The following GARS1 variants were observed in gnomAD, a reference collection of about 807,000 sequenced individuals.
GARS1 encodes glycyl-tRNA synthetase 1.
GARS1 carries 46 observed loss-of-function variants against 86.4 expected under a neutral mutation model. The ratio of observed to expected loss-of-function variants is 0.53; its 90% CI spans 0.42 to 0.68. GARS1 has a LOEUF of 0.68. GARS1 is among the 30% of genes least tolerant of loss of function. The pLI is 0.00. For synonymous variants in GARS1, 342 were observed against 329.8 expected, an observed-to-expected ratio of 1.04 and a Z score of -0.40; for missense variants, 797 against 915.6, an observed-to-expected ratio of 0.87 and a Z score of 1.67.
At chr7:30,622,574 C>A in intron 12 of GARS1, 112 bp downstream of exon 12, 1 of 1,249,402 alleles carries the variant, frequency 8.0e-7, no homozygotes, top group Non-Finnish European at 1.2e-6. Flanking sequence ...AGTACTGTAT[C>A]TTGGCTGCAT....
Position 30,595,120 on chromosome 7 carries a change from C to G in GARS1, c.199C>G (p.Leu67Val). 1 of 1,539,200 alleles carries G rather than the reference C, an allele frequency of 6.5e-7. No individual in the cohort carries two copies. The highest frequency in any genetic ancestry group is 8.7e-7 in the Non-Finnish European group (1 of 1,147,996). ...GAGAEEVLAP[L>V]RLAVRQQGDL... ...GGGGGCTGAGGAGGTGCTGGCACCT[C>G]TGAGGCTAGCAGTGCGCCAGCAGGT... The change falls in exon 1 of 17, where the codon CTG becomes GTG. Residue 67 changes from leucine to valine, a missense_variant. This residue lies in a region of GARS1 where 199 missense variants were observed against 176.9 expected (regional missense o/e 1.12). Transcript: ENST00000389266.
At chr7:30,603,181 C>T in intron 5 of GARS1, 59 bp downstream of exon 5, 1 of 1,385,750 alleles carries the variant, frequency 7.2e-7, no homozygotes, top group Non-Finnish European at 1.0e-6. Context: ...TAAACTTTCT[C>T]TCAGATGTCT....
intron 10 of GARS1, among the ~76,000 whole-genome samples, chr7:30,620,654 G>A (rs1782985100): frequency 6.6e-6 from 1 of 152,164 alleles, no homozygotes; most frequent in Admixed American, 6.5e-5. Context: ...AAGGGAACCT[G>A]GCATCAATGT....
chr7:30,614,601 C>T (rs868673188), intron 8 of GARS1, among the ~76,000 whole-genome samples: 20 of 152,280 alleles, frequency 1.3e-4, no homozygotes, highest in African/African-American at 4.3e-4. Context: ...CTTGGCCGGG[C>T]GCAGTGGCTC....
chr7:30,595,265 A>T, intron 1 of GARS1, 122 bp downstream of exon 1: 1 of 971,472 alleles, frequency 1.0e-6, no homozygotes, highest in Non-Finnish European at 1.6e-6. Context: ...CTTTCCCTTC[A>T]TCCTCTGGCG....
intron 2 of GARS1, among the ~76,000 whole-genome samples, chr7:30,599,123 A>G (rs576410908): frequency 4.5e-4 from 69 of 152,322 alleles, no homozygotes; most frequent in African/African-American, 1.5e-3. Flanking sequence ...TGACCCTGCA[A>G]ATGCTGGACT....
intron 5 of GARS1, 84 bp from the exon 6 acceptor site, chr7:30,603,412 A>G: frequency 9.1e-7 from 1 of 1,103,794 alleles, no homozygotes; most frequent in Admixed American, 1.8e-5. Context: ...GCTTGGATTT[A>G]CTTTTTAATT....
intron 3 of GARS1, among the ~76,000 whole-genome samples, chr7:30,600,510 G>A (rs1355044635): frequency 1.3e-5 from 2 of 152,132 alleles, no homozygotes; most frequent in African/African-American, 4.8e-5. Flanking sequence ...CCATATGAAG[G>A]TATATAGGCA....
At chr7:30,604,324 T>G (rs1791440888) in intron 6 of GARS1, among the ~76,000 whole-genome samples, 1 of 152,180 alleles carries the variant, frequency 6.6e-6, no homozygotes, top group Non-Finnish European at 1.5e-5. Flanking sequence ...TCCAACACCA[T>G]GTTTAGTCAT....
At chr7:30,621,024 G>T (rs890991153) in intron 10 of GARS1, among the ~76,000 whole-genome samples, 4 of 150,408 alleles carry the variant, frequency 2.7e-5, no homozygotes, top group African/African-American at 9.8e-5. Context: ...ACTACTTTGT[G>T]TACAGTGTGA....
Position 30,633,896 on chromosome 7 carries a change from T to A in GARS1, c.*36T>A, listed in dbSNP as rs766304992. 8.5e-4 allele frequency: 1,118 copies of A among 1,316,516 alleles called. No individual in the cohort carries two copies. Among genetic ancestry groups the A allele is most frequent in the Admixed American group, 4.1e-3 (196 of 48,278 alleles). The allele number at this position is 1,316,516 out of a possible 1,614,324, so 81.6% of individuals were successfully genotyped here. On this transcript the variant is annotated 3_prime_UTR_variant, in exon 17 of 17. Coordinates refer to ENST00000389266, the MANE Select transcript of GARS1 (RefSeq NM_002047.4). ...GACAACTTTTGACCACTTGCGCTAA[T>A]AAAAAAAAAAAAAAACTACTCTTAT... is the stretch of plus-strand genomic sequence containing the variant.
chr7:30,614,032 T>C (rs1458638231), intron 8 of GARS1, among the ~76,000 whole-genome samples: 2 of 152,230 alleles, frequency 1.3e-5, no homozygotes, highest in East Asian at 1.9e-4. Flanking sequence ...TCAGGTACAG[T>C]TGCTGAACTG....
chr7:30,625,883 C>G (rs961197517), intron 12 of GARS1, among the ~76,000 whole-genome samples: 16 of 152,128 alleles, frequency 1.1e-4, no homozygotes, highest in Non-Finnish European at 1.2e-4. Flanking sequence ...TACCAGCAGG[C>G]CTATTTCTGA....
At chr7:30,611,709 C>G (rs1479677543) in intron 7 of GARS1, among the ~76,000 whole-genome samples, 2 of 152,202 alleles carry the variant, frequency 1.3e-5, no homozygotes, top group Non-Finnish European at 2.9e-5. Context: ...ATCTCGAACT[C>G]CCAACCTCAG....
chr7:30,597,708 A>G (rs1791283040), intron 1 of GARS1, among the ~76,000 whole-genome samples: 2 of 152,256 alleles, frequency 1.3e-5, no homozygotes, highest in South Asian at 4.1e-4. Flanking sequence ...TAATTTTTAA[A>G]ATAAAAGAAG....
intron 8 of GARS1, 147 bp downstream of exon 8, chr7:30,612,392 A>AG: frequency 5.9e-6 from 5 of 847,924 alleles, no homozygotes; most frequent in Non-Finnish European, 9.4e-6. Flanking sequence ...TTACATTTGG[A>AG]ATCTCTAAAT....
At position 30,594,879 on chromosome 7, in the gene GARS1, C is replaced by T. The variant is rs564177184; in HGVS notation, c.-43C>T. On this transcript the variant is annotated 5_prime_UTR_variant, in exon 1 of 17. Transcript: ENST00000389266. Reference sequence around the variant, plus strand: ...GCTCCGAGCCGGGCGGCGCGCGCCGCTTCCGTCGCCACCCTCTCTGGACAG... The same window carrying T: ...GCTCCGAGCCGGGCGGCGCGCGCCGTTTCCGTCGCCACCCTCTCTGGACAG... The T allele has an allele frequency of 6.7e-7, 1 of 1,495,478 alleles. No homozygotes were observed. The highest frequency in any genetic ancestry group is 2.0e-5 in the Admixed American group (1 of 50,646). The allele number at this position is 1,495,478 out of a possible 1,614,324, so 92.6% of individuals were successfully genotyped here. A position where few individuals can be genotyped will look rare whatever the true frequency, so the allele number is the denominator to read the frequency against.
At chr7:30,633,210 T>C (rs1283103019) in intron 16 of GARS1, among the ~76,000 whole-genome samples, 1 of 152,228 alleles carries the variant, frequency 6.6e-6, no homozygotes, top group Non-Finnish European at 1.5e-5. Flanking sequence ...GCAGCATCAG[T>C]ATCCCCTGGA....
chr7:30,622,926 C>A (rs1301029384), intron 12 of GARS1, among the ~76,000 whole-genome samples: 1 of 151,882 alleles, frequency 6.6e-6, no homozygotes, highest in East Asian at 1.9e-4. Context: ...CAGTGAAACC[C>A]CGTCTCTACT....
Sources: allele counts gnomAD v4.1 joint callset (sites outside exome capture counted in the v4.1 genomes callset), GRCh38; gene constraint gnomAD v4.1.1; regional missense constraint gnomAD v4.1.1; transcripts MANE v1.5; gene names NCBI Gene and HGNC (gene_info 2026-07-23, HGNC 2026-07-21).